DCLK1: variants seen among roughly 807,000 people sequenced by gnomAD.
DCLK1 encodes doublecortin like kinase 1, also known as serine/threonine-protein kinase DCLK1.
A neutral mutation model predicts 86.2 loss-of-function variants in DCLK1; 16 were observed. The ratio of observed to expected loss-of-function variants is 0.19; its 90% CI spans 0.13 to 0.28. The LOEUF is 0.28. Among genes scored for constraint, DCLK1 ranks in the 10% least tolerant of loss-of-function variants. DCLK1 has a pLI of 1.00. For missense variants in DCLK1, 590 were observed against 940.2 expected (o/e 0.63, Z 4.87); for synonymous variants, 369 against 370.5 (o/e 1.00, Z 0.05).
At chr13:36,058,125 T>C (rs768845515) in intron 3 of DCLK1, among the ~76,000 whole-genome samples, 7 of 152,112 alleles carry the variant, frequency 4.6e-5, no homozygotes, top group Admixed American at 3.3e-4. Flanking sequence ...AGAGACATAA[T>C]GAAGCAGATG....
chr13:36,030,376 A>T (rs1405843275), intron 3 of DCLK1, among the ~76,000 whole-genome samples: 1 of 151,784 alleles, frequency 6.6e-6, no homozygotes, highest in Non-Finnish European at 1.5e-5. Context: ...GGCTCACTGC[A>T]GCCTCTGCCT....
chr13:36,064,742 C>CAA (rs565946750), intron 3 of DCLK1, among the ~76,000 whole-genome samples: 1 of 110,946 alleles, frequency 9.0e-6, no homozygotes, highest in Non-Finnish European at 1.9e-5. Context: ...GTCTATTGTA[C>CAA]AAAAAAAAAA....
chr13:36,099,621 G>A (rs932513275), intron 3 of DCLK1, among the ~76,000 whole-genome samples: 3 of 152,164 alleles, frequency 2.0e-5, no homozygotes, highest in Non-Finnish European at 4.4e-5. Context: ...CGATGTTTCC[G>A]GATCTAACAA....
chr13:36,012,780 G>A (rs1331319257), intron 3 of DCLK1, among the ~76,000 whole-genome samples: 4 of 82,184 alleles, frequency 4.9e-5, no homozygotes, highest in Admixed American at 1.5e-4. Flanking sequence ...GGCCTGCCTT[G>A]CTAGATTGGG....
chr13:36,072,819 T>C (rs1388440275), intron 3 of DCLK1, among the ~76,000 whole-genome samples: 2 of 152,346 alleles, frequency 1.3e-5, no homozygotes, highest in Admixed American at 6.5e-5. Flanking sequence ...GTAGTTATTT[T>C]ACTACAGTCA....
At chr13:36,050,390 T>G (rs761267108) in intron 3 of DCLK1, among the ~76,000 whole-genome samples, 2 of 152,148 alleles carry the variant, frequency 1.3e-5, no homozygotes, top group Non-Finnish European at 2.9e-5. Context: ...TACTCTAGTG[T>G]GTGCTGATGG....
chr13:35,969,309 T>A (rs1204181107), intron 3 of DCLK1, among the ~76,000 whole-genome samples: 1 of 151,950 alleles, frequency 6.6e-6, no homozygotes, highest in Non-Finnish European at 1.5e-5. Context: ...CATCCTAGAT[T>A]AATAGGTTGG....
At position 36,126,118 on chromosome 13, in the gene DCLK1, A is replaced by G; in HGVS notation, c.20T>C (p.Met7Thr). Residue 7 changes from methionine to threonine, a missense_variant, in exon 2 of 17, where the codon ATG becomes ACG. Met to Thr is a moderately conservative substitution (Grantham distance 81). Transcript: ENST00000360631. MSFGRD[M>T]ELEHFDERDK... ...CCGCTCGTCGAAGTGCTCCAGCTCC[A>G]TGTCTCTGCCGAAGGACATGATGGA... 1 of 1,598,086 alleles carries G rather than the reference A, an allele frequency of 6.3e-7. No individual in the cohort carries two copies. Among genetic ancestry groups the G allele is most frequent in the Non-Finnish European group, 8.5e-7 (1 of 1,172,282 alleles).
chr13:35,929,435 C>T (rs1876304329), intron 4 of DCLK1, among the ~76,000 whole-genome samples: 1 of 152,194 alleles, frequency 6.6e-6, no homozygotes, highest in African/African-American at 2.4e-5. Flanking sequence ...GCAGGGAGCT[C>T]TGTGGTCAGA....
At position 35,774,643 on chromosome 13, in the gene DCLK1, C is replaced by T; in HGVS notation, c.2115G>A (p.Val705=). 2.5e-6 allele frequency: 4 copies of T among 1,609,088 alleles called. No individual in the cohort carries two copies. Among genetic ancestry groups the T allele is most frequent in the Non-Finnish European group, 3.4e-6 (4 of 1,177,864 alleles). ...QVFRRRRNQD[V]RSRYKAQPAP... ...CTGGCTGCGCCTTGTACCGGCTCCTCACATCCTGGTTGCGTCTTCGTCGGA... is the reference window on the plus strand; with the variant it reads ...CTGGCTGCGCCTTGTACCGGCTCCTTACATCCTGGTTGCGTCTTCGTCGGA... Residue 705 remains valine (V), a synonymous_variant, in exon 17 of 17, where the codon GTG becomes GTA. Transcript: ENST00000360631.
At chr13:35,798,650 T>C (rs560674917) in intron 15 of DCLK1, among the ~76,000 whole-genome samples, 1 of 152,148 alleles carries the variant, frequency 6.6e-6, no homozygotes, top group Non-Finnish European at 1.5e-5. Flanking sequence ...TAAGGCAAGT[T>C]GAGATTTATC....
intron 6 of DCLK1, chr13:35,846,464 T>C: frequency 2.0e-6 from 2 of 985,366 alleles, no homozygotes; most frequent in Non-Finnish European, 2.4e-6. Flanking sequence ...GCATCATTTA[T>C]ACTATCTTGG....
intron 3 of DCLK1, among the ~76,000 whole-genome samples, chr13:36,043,769 A>G (rs1882777750): frequency 6.6e-6 from 1 of 152,204 alleles, no homozygotes; most frequent in Non-Finnish European, 1.5e-5. Context: ...CTTAAATTGT[A>G]TAAAACATCA....
chr13:35,958,204 T>TAC (rs1593768435), intron 3 of DCLK1, among the ~76,000 whole-genome samples: 27 of 6,132 alleles, frequency 4.4e-3, no homozygotes, highest in Non-Finnish European at 9.1e-3. Context: ...ACCACCACCA[T>TAC]TATAACCATC....
rs764134344 is a variant in DCLK1 at position 35,808,315 on chromosome 13, C to T, written c.1772G>A (p.Gly591Asp). 1 of 1,614,016 alleles carries T rather than the reference C, an allele frequency of 6.2e-7. No homozygotes were observed. Among genetic ancestry groups the T allele is most frequent in the Admixed American group, 1.7e-5 (1 of 60,018 alleles). ...LCGFPPFRGS[G>D]DDQEVLFDQI... Reference sequence around the variant, plus strand: ...ATCAAAAAGCACCTCCTGGTCATCACCACTTCTGTTTAGGTGAACGACAAC... The same window carrying T: ...ATCAAAAAGCACCTCCTGGTCATCATCACTTCTGTTTAGGTGAACGACAAC... Residue 591 changes from glycine (G) to aspartate (D), a missense_variant, in exon 14 of 17, where the codon GGT becomes GAT. Transcript: ENST00000360631.
chr13:35,827,220 T>C (rs941013839), intron 10 of DCLK1, among the ~76,000 whole-genome samples: 2 of 152,224 alleles, frequency 1.3e-5, no homozygotes, highest in Non-Finnish European at 2.9e-5. Context: ...AGTTTAAAGC[T>C]TGTTTTTACA....
chr13:35,978,485 C>T (rs529809731), intron 3 of DCLK1, among the ~76,000 whole-genome samples: 3 of 151,962 alleles, frequency 2.0e-5, no homozygotes, highest in Non-Finnish European at 2.9e-5. Flanking sequence ...GGATTACCGG[C>T]GTGAGCCACC....
At chr13:35,795,429 A>C (rs2086788481) in intron 15 of DCLK1, among the ~76,000 whole-genome samples, 1 of 152,230 alleles carries the variant, frequency 6.6e-6, no homozygotes, top group Admixed American at 6.5e-5. Flanking sequence ...CTTTTTAATA[A>C]GAGGACTGTA....
Position 35,972,098 on chromosome 13 carries a change from A to G in DCLK1, c.724-24641T>C, listed in dbSNP as rs149174180. On this transcript the variant is annotated intron_variant, in intron 3 of 16. Coordinates refer to ENST00000360631, the MANE Select transcript of DCLK1 (RefSeq NM_001330071.2). Reference sequence around the variant, plus strand: ...ACTTGGATACCTATCCTTGTCCCACAGCTCAACCATTTCCGTGGCTCAGCA... The same window carrying G: ...ACTTGGATACCTATCCTTGTCCCACGGCTCAACCATTTCCGTGGCTCAGCA... Among the ~76,000 whole-genome samples the G allele has an allele frequency of 6.0e-3, 916 of 152,262 alleles. 15 individuals carry two copies. The highest frequency in any genetic ancestry group is 0.021 in the African/African-American group (877 of 41,536).
Sources: allele counts gnomAD v4.1 joint callset (sites outside exome capture counted in the v4.1 genomes callset), GRCh38; gene constraint gnomAD v4.1.1; transcripts MANE v1.5; gene names NCBI Gene and HGNC (gene_info 2026-07-23, HGNC 2026-07-21).